The following FASN variants were observed in gnomAD, a reference collection of about 807,000 sequenced individuals.
FASN encodes 3-hydroxyacyl-[acyl-carrier-protein] dehydratase.
A neutral mutation model predicts 250.0 loss-of-function variants in FASN; 50 were observed. The ratio of observed to expected loss-of-function variants is 0.20; its 90% CI spans 0.16 to 0.25. The LOEUF (loss-of-function observed/expected upper bound fraction) is 0.25, where lower values mean the gene tolerates loss of function less well. Ranked by LOEUF, FASN falls within the 10% of genes least tolerant of loss-of-function variation. FASN has a pLI of 1.00. For missense variants in FASN, 3,031 were observed against 3,498.5 expected (o/e 0.87, Z 3.37); for synonymous variants, 1,909 against 1,584.0 (o/e 1.21, Z -4.87).
chr17:82,080,998 C>T, intron 38 of FASN, 76 bp from the exon 39 acceptor site: 1 of 1,435,582 alleles, frequency 7.0e-7, no homozygotes, highest in Non-Finnish European at 9.6e-7. Context: ...CACAGACACG[C>T]ACGCAGGTCC....
rs148011335 is a variant in FASN, at chr17:82,088,541, G to A, written c.2442C>T (p.Ala814=). ...CTGGGAACTCCACAGGTGGGAACAA[G>A]GCATTGGGGTTGGCGTCGATGCTAC... ...HLSGIDANPN[A]LFPPVEFPAP... Residue 814 remains alanine, a synonymous_variant, in exon 16 of 43, where the codon GCC becomes GCT. Transcript: ENST00000306749. 35 of 1,606,734 alleles carry A rather than the reference G, an allele frequency of 2.2e-5. No individual in the cohort carries two copies. In the African/African-American group the frequency reaches 4.3e-4, roughly 20 times the overall value.
rs1000960709 is a variant in FASN, at chr17:82,090,231, C to T, written c.1870+144G>A. ...GGGGCAGCTGCAGGGGACTCGCGCA[C>T]GGCTGTGTCCGAGCTGGGTGTCCCC... On this transcript the variant is annotated intron_variant, in intron 11 of 42. Coordinates refer to ENST00000306749, the MANE Select transcript of FASN (RefSeq NM_004104.5). 47 of 783,788 alleles carry T rather than the reference C, an allele frequency of 6.0e-5. No individual in the cohort carries two copies. In the Middle Eastern group the frequency reaches 1.1e-3, roughly 19 times the overall value. The allele number at this position is 783,788 out of a possible 1,614,324, so 48.6% of individuals were successfully genotyped here.
At chr17:82,094,927 G>A (rs2034278240) in intron 3 of FASN, among the ~76,000 whole-genome samples, 1 of 150,870 alleles carries the variant, frequency 6.6e-6, no homozygotes, top group Admixed American at 6.6e-5. Context: ...CAAGGGTAGT[G>A]GGGAGGGTGG....
In FASN at chr17:82,084,647, C is replaced by A. The variant is rs41283363; in HGVS notation, c.4634G>T (p.Arg1545Leu). The A allele has an allele frequency of 2.5e-6, 4 of 1,597,198 alleles. No individual in the cohort carries two copies. The highest frequency in any genetic ancestry group is 3.4e-6 in the Non-Finnish European group (4 of 1,172,812). Residue 1545 changes from arginine to leucine, a missense_variant, in exon 27 of 43, where the codon CGC becomes CTC. Transcript: ENST00000306749. The stretch of plus-strand genomic sequence containing the variant: ...ATGGCGCAGCGAGGAGCAGACCCAG[C>A]GGATGGAGGACAGGTCCCCCCGGGT... ...TLTRGDLSSI[R>L]WVCSSLRHAQ... is the part of the protein sequence containing the mutation.
At position 82,080,903 on chromosome 17, in the gene FASN, G is replaced by A. The variant is rs1403073551; in HGVS notation, c.6615C>T (p.Pro2205=). The A allele has an allele frequency of 6.2e-7, 1 of 1,609,680 alleles. No individual in the cohort carries two copies. Among genetic ancestry groups the A allele is most frequent in the East Asian group, 2.2e-5 (1 of 44,816 alleles). ...GCTGCTGGGCCAGACCATCCTCCTTGGGCGTGGGGCATGCCAGCTCTGTGA... is the reference window on the plus strand; with the variant it reads ...GCTGCTGGGCCAGACCATCCTCCTTAGGCGTGGGGCATGCCAGCTCTGTGA... ...DEASELACPT[P]KEDGLAQQQT... The change falls in exon 39 of 43, where the codon CCC becomes CCT. Residue 2205 remains proline, a synonymous_variant. Transcript: ENST00000306749.
In FASN at chr17:82,085,226, G is replaced by T. The variant is rs45555734; in HGVS notation, c.4287+12C>A. On this transcript the variant is annotated intron_variant, in intron 24 of 42. Transcript: ENST00000306749. ...AGGTGGGGTGGGGCCTGGAGGTGGG[G>T]CAGGGCCTGACCTTCAGAGACTCCA... is the stretch of plus-strand genomic sequence containing the variant. 1.7e-3 allele frequency: 2,732 copies of T among 1,612,080 alleles called. 41 individuals carry two copies. The African/African-American group carries it at 0.032, about 19-fold the overall frequency.
chr17:82,092,344 G>A (rs2034226167), intron 8 of FASN, 111 bp downstream of exon 8: 1 of 1,178,470 alleles, frequency 8.5e-7, no homozygotes, highest in Non-Finnish European at 1.2e-6. Flanking sequence ...GCTCCTGGTG[G>A]GGAAGCCCCC....
At position 82,087,396 on chromosome 17, in the gene FASN, C is replaced by T. The variant is rs776980823; in HGVS notation, c.3152G>A (p.Arg1051His). Residue 1051 changes from arginine to histidine, a missense_variant, in exon 20 of 43, where the codon CGT becomes CAT. Physicochemically the swap from Arg to His is conservative, Grantham distance 29. Coordinates refer to ENST00000306749, the MANE Select transcript of FASN (RefSeq NM_004104.5). ...SAKHGLYLPT[R>H]VTAIHIDPAT... ...AGGGTCGATGTGGATGGCGGTGACA[C>T]GGGTGGGCAGGTACAGGCCGTGCTT... The T allele has an allele frequency of 3.1e-6, 5 of 1,612,662 alleles. No individual in the cohort carries two copies. Among genetic ancestry groups the T allele is most frequent in the East Asian group, 2.2e-5 (1 of 44,880 alleles).
Position 82,080,481 on chromosome 17 carries a change from G to A in FASN, c.6936C>T (p.Cys2312=), listed in dbSNP as rs929436144. Residue 2312 remains cysteine (C), a synonymous_variant, in exon 40 of 43, where the codon TGC becomes TGT. Coordinates refer to ENST00000306749, the MANE Select transcript of FASN (RefSeq NM_004104.5). ...GCTGGGAGCACATTTCAAAGGCCAC[G>A]CAGGCCCCGTAGGAGTAGCCGGCCA... The part of the protein sequence containing the change: ...YRVAGYSYGA[C]VAFEMCSQLQ... 9.5e-6 allele frequency: 15 copies of A among 1,573,462 alleles called. No homozygotes were observed. The Admixed American group carries it at 1.1e-4, about 12-fold the overall frequency.
intron 1 of FASN, chr17:82,096,827 G>A: frequency 2.9e-6 from 1 of 347,992 alleles, no homozygotes; most frequent in Non-Finnish European, 5.6e-6. Context: ...CTTGTCCCAG[G>A]CCATCCCTAG....
At chr17:82,084,745 C>G (rs376796601) in intron 26 of FASN, 29 bp from the exon 27 acceptor site, 1 of 1,550,116 alleles carries the variant, frequency 6.5e-7, no homozygotes, top group South Asian at 1.2e-5. Flanking sequence ...GGGGCTGCTG[C>G]GGGGCCTTCG....
In FASN at chr17:82,086,567, G is replaced by A. The variant is rs200574684; in HGVS notation, c.3428-9C>T. The stretch of plus-strand genomic sequence containing the variant: ...CAGTGCCTGCACCAGCCCTGGGGAG[G>A]GAGGGAGGCAGGCCTGGTGTTCCCA... On this transcript the variant is annotated splice_polypyrimidine_tract_variant and intron_variant, in intron 21 of 42. Coordinates refer to ENST00000306749, the MANE Select transcript of FASN (RefSeq NM_004104.5). The A allele has an allele frequency of 1.0e-4, 161 of 1,603,338 alleles. No individual in the cohort carries two copies. The highest frequency in any genetic ancestry group is 2.0e-4 in the Middle Eastern group (1 of 5,094).
Position 82,092,458 on chromosome 17 carries a change from G to A in FASN, c.1026C>T (p.Ala342=). 1 of 1,571,574 alleles carries A rather than the reference G, an allele frequency of 6.4e-7. No homozygotes were observed. The highest frequency in any genetic ancestry group is 8.6e-7 in the Non-Finnish European group (1 of 1,161,514). Residue 342 remains alanine, a synonymous_variant, in exon 8 of 43, where the codon GCC becomes GCT. Coordinates refer to ENST00000306749, the MANE Select transcript of FASN (RefSeq NM_004104.5). ...CCCCAAGCCCAGCCCCACCTACCTT[G>A]GCCAGGGCTGCCAGCCCCGAGGCTG... ...PEPASGLAAL[A]KVLLSLEHGL...
chr17:82,080,406 G>T lies in FASN; in HGVS notation c.7011C>A (p.Phe2337Leu). The T allele has an allele frequency of 6.2e-7, 1 of 1,602,898 alleles. No individual in the cohort carries two copies. The highest frequency in any genetic ancestry group is 8.5e-7 in the Non-Finnish European group (1 of 1,175,408). Reference sequence around the variant, plus strand: ...CCAGTACGTAGGTGGGCGAGCCGTCGAACAGGAAGAGGCTGTTGTGGGTGG... The same window carrying T: ...CCAGTACGTAGGTGGGCGAGCCGTCTAACAGGAAGAGGCTGTTGTGGGTGG... ...PAPTHNSLFLFDGSPTYVLAY... is the reference protein window; with the variant it reads ...PAPTHNSLFLLDGSPTYVLAY... Residue 2337 changes from phenylalanine (F) to leucine (L), a missense_variant, in exon 40 of 43, where the codon TTC (phenylalanine) becomes TTA (leucine). Coordinates refer to ENST00000306749, the MANE Select transcript of FASN (RefSeq NM_004104.5).
rs144627566 is a variant in FASN at position 82,089,153 on chromosome 17, G to A, written c.2120C>T (p.Pro707Leu). ...GGTGCTGAGCCAGCGGGCTGAACGT[G>A]GCTTCGGCTCCCGGATCACCTGCAT... ...ELKKVIREPK[P>L]RSARWLSTSI... The change falls in exon 14 of 43, where the codon CCA (proline) becomes CTA (leucine). Residue 707 changes from proline (P) to leucine (L), a missense_variant. Coordinates refer to ENST00000306749, the MANE Select transcript of FASN (RefSeq NM_004104.5). 567 of 1,572,652 alleles carry A rather than the reference G, an allele frequency of 3.6e-4. 1 individual carries two copies. The highest frequency in any genetic ancestry group is 2.4e-3 in the South Asian group (206 of 86,862).
At position 82,093,286 on chromosome 17, in the gene FASN, G is replaced by C. The variant is rs1290407825; in HGVS notation, c.588C>G (p.Thr196=). The part of the protein sequence containing the change: ...GGINVLLKPN[T]SVQFLRLGML... The stretch of plus-strand genomic sequence containing the variant: ...TCCCCAGCCTCAAGAACTGCACGGA[G>C]GTGTTGGGCTTCAGCAGGACATTGA... The change falls in exon 5 of 43, where the codon ACC becomes ACG. Residue 196 remains threonine, a synonymous_variant. Transcript: ENST00000306749. 6.3e-7 allele frequency: 1 copy of C among 1,597,244 alleles called. No homozygotes were observed. Among genetic ancestry groups the C allele is most frequent in the South Asian group, 1.1e-5 (1 of 88,264 alleles).
chr17:82,093,064 GC>G (rs1184563681), intron 5 of FASN, 45 bp from the exon 6 acceptor site: 1 of 1,607,388 alleles, frequency 6.2e-7, no homozygotes, highest in Admixed American at 1.7e-5. Flanking sequence ...CCCCACGCCG[GC>G]CCCCACCCCA....
intron 3 of FASN, among the ~76,000 whole-genome samples, chr17:82,094,657 T>C (rs1007254637): frequency 5.2e-4 from 78 of 151,444 alleles, no homozygotes; most frequent in African/African-American, 1.8e-3. Flanking sequence ...GGCGTGGTGG[T>C]GGGCGCCTGT....
At chr17:82,097,771 C>T (rs1345930645) in intron 1 of FASN, among the ~76,000 whole-genome samples, 5 of 152,118 alleles carry the variant, frequency 3.3e-5, no homozygotes, top group African/African-American at 1.2e-4. Context: ...TCCGGGGCGG[C>T]TCCGGGAGGA....
Sources: allele counts gnomAD v4.1 joint callset (sites outside exome capture counted in the v4.1 genomes callset), GRCh38; gene constraint gnomAD v4.1.1; transcripts MANE v1.5; gene names NCBI Gene and HGNC (gene_info 2026-07-23, HGNC 2026-07-21).